The following ZC3H12B variants were observed in gnomAD, a reference collection of about 807,000 sequenced individuals.
ZC3H12B encodes probable ribonuclease ZC3H12B.
Under a neutral mutation model 43.9 loss-of-function variants are expected in ZC3H12B, and 7 were observed. The observed-to-expected ratio is 0.16, with a 90% CI of 0.09 to 0.30. The LOEUF (loss-of-function observed/expected upper bound fraction) is 0.30, where lower values mean the gene tolerates loss of function less well. Among genes scored for constraint, ZC3H12B ranks in the 10% least tolerant of loss-of-function variants. The probability of loss-of-function intolerance (pLI) is 1.00; values close to 1 mark genes in which losing one functional copy is unlikely to be tolerated. For synonymous variants in ZC3H12B, 222 were observed against 241.7 expected, an observed-to-expected ratio of 0.92 and a Z score of 0.76; for missense variants, 475 against 670.2, an observed-to-expected ratio of 0.71 and a Z score of 3.22.
chrX:65,470,777 G>A (rs899585548), intron 3 of ZC3H12B, among the ~76,000 whole-genome samples: 4 of 111,740 alleles, frequency 3.6e-5, no homozygotes, highest in Non-Finnish European at 5.6e-5. Flanking sequence ...TCTTGATTTC[G>A]TTTTTAACCC....
chrX:65,244,391 C>T, the ZC3H12B span, among the ~76,000 whole-genome samples: 3 of 110,361 alleles, frequency 2.7e-5, no homozygotes. Context: ...TGAGCATATG[C>T]TCTTGGAAAA....
chrX:65,072,594 G>T, the ZC3H12B span, among the ~76,000 whole-genome samples: 2 of 111,845 alleles, frequency 1.8e-5, no homozygotes, highest in African/African-American at 6.5e-5. Context: ...GACCTTGATA[G>T]TTTGTGGTAT....
At chrX:65,090,346 G>A in the ZC3H12B span, among the ~76,000 whole-genome samples, 6 of 111,641 alleles carry the variant, frequency 5.4e-5, no homozygotes, top group African/African-American at 1.6e-4. Context: ...AATATTCTAA[G>A]TGTGATATAG....
the ZC3H12B span, among the ~76,000 whole-genome samples, chrX:65,044,901 G>T: frequency 9.2e-6 from 1 of 108,960 alleles, no homozygotes; most frequent in Non-Finnish European, 1.9e-5. Flanking sequence ...AGGCTGAGGT[G>T]GGAGGATTGC....
the ZC3H12B span, among the ~76,000 whole-genome samples, chrX:65,144,202 T>C: frequency 8.9e-6 from 1 of 111,882 alleles, no homozygotes; most frequent in South Asian, 3.7e-4. Flanking sequence ...GTTCAAGGTA[T>C]CTGATTCTTC....
At chrX:65,320,215 A>T in the ZC3H12B span, among the ~76,000 whole-genome samples, 7 of 111,869 alleles carry the variant, frequency 6.3e-5, no homozygotes, top group Non-Finnish European at 1.1e-4. Flanking sequence ...GGATACAAAG[A>T]TCAGTGTACA....
the ZC3H12B span, among the ~76,000 whole-genome samples, chrX:65,284,913 A>C: frequency 8.9e-6 from 1 of 111,831 alleles, no homozygotes; most frequent in Non-Finnish European, 1.9e-5. Flanking sequence ...TTAGAACTTG[A>C]AGGTCTTTTG....
the ZC3H12B span, among the ~76,000 whole-genome samples, chrX:65,113,873 AAAT>A: frequency 1.9e-5 from 2 of 105,535 alleles, no homozygotes; most frequent in Non-Finnish European, 3.9e-5. Context: ...TATAGTATAA[AAAT>A]AACTTCTGTA....
intron 2 of ZC3H12B, among the ~76,000 whole-genome samples, chrX:65,392,604 G>A (rs1027185327): frequency 3.6e-4 from 39 of 109,344 alleles, no homozygotes; most frequent in African/African-American, 9.0e-4. Flanking sequence ...TGGTGCCCCC[G>A]CCCAGCAGCC....
the ZC3H12B span, among the ~76,000 whole-genome samples, chrX:65,075,499 C>G: frequency 8.9e-6 from 1 of 111,961 alleles, no homozygotes; most frequent in Non-Finnish European, 1.9e-5. Flanking sequence ...TAGACTATGC[C>G]AGTCCTGTCT....
intron 3 of ZC3H12B, among the ~76,000 whole-genome samples, chrX:65,431,657 A>G (rs564765664): frequency 2.7e-5 from 3 of 112,528 alleles, no homozygotes; most frequent in Admixed American, 1.9e-4. Flanking sequence ...CATGGGCCAC[A>G]TCTTCACATT....
At chrX:65,261,959 C>T in the ZC3H12B span, among the ~76,000 whole-genome samples, 1 of 110,352 alleles carries the variant, frequency 9.1e-6, no homozygotes, top group Non-Finnish European at 1.9e-5. Context: ...TAGTATAGCT[C>T]ATTTTTTTGG....
chrX:65,416,391 C>T (rs1253947116), intron 3 of ZC3H12B, among the ~76,000 whole-genome samples: 1 of 111,252 alleles, frequency 9.0e-6, no homozygotes, highest in Non-Finnish European at 1.9e-5. Context: ...CATGGAAACC[C>T]AGATAACCAA....
chrX:65,038,529 C>T, the ZC3H12B span, among the ~76,000 whole-genome samples: 4 of 111,375 alleles, frequency 3.6e-5, no homozygotes, highest in South Asian at 3.7e-4. Flanking sequence ...TGCTAAGTAA[C>T]TATTGTACAT....
chrX:65,126,912 G>T, the ZC3H12B span, among the ~76,000 whole-genome samples: 1 of 109,240 alleles, frequency 9.2e-6, no homozygotes, highest in Admixed American at 9.9e-5. Context: ...TATATTTTGT[G>T]TAATGCTTTT....
At chrX:65,252,387 C>A in the ZC3H12B span, among the ~76,000 whole-genome samples, 1 of 111,707 alleles carries the variant, frequency 9.0e-6, no homozygotes, top group African/African-American at 3.3e-5. Flanking sequence ...GGATATTGTT[C>A]TAAAATTCTC....
At chrX:65,422,144 C>T (rs993868430) in intron 3 of ZC3H12B, among the ~76,000 whole-genome samples, 4 of 110,953 alleles carry the variant, frequency 3.6e-5, no homozygotes. Context: ...TATATATGCT[C>T]AGAATCAGCA....
At chrX:65,452,841 A>AACACACACACACACACACACAC (rs111853414) in intron 3 of ZC3H12B, among the ~76,000 whole-genome samples, 2 of 92,243 alleles carry the variant, frequency 2.2e-5, no homozygotes, top group African/African-American at 8.4e-5. Flanking sequence ...ACTCCATCTA[A>AACACACACACACACACACACAC]ACACACACAC....
At chrX:65,336,041 A>T in the ZC3H12B span, among the ~76,000 whole-genome samples, 1 of 112,065 alleles carries the variant, frequency 8.9e-6, no homozygotes. Context: ...TCCTAGGCCC[A>T]TGTTCTATCC....
Sources: gnomAD v4.1 joint callset for allele counts (sites outside exome capture counted in the v4.1 genomes callset) on GRCh38, gnomAD v4.1.1 for gene constraint, MANE v1.5 for transcripts, NCBI Gene and HGNC (gene_info 2026-07-23, HGNC 2026-07-21) for gene names.